Variants in ANKRD45 observed in about 807,000 individuals in gnomAD.
ANKRD45 encodes ankyrin repeat domain-containing protein 45.
Under a neutral mutation model 28.1 loss-of-function variants are expected in ANKRD45, and 21 were observed. The ratio of observed to expected loss-of-function variants is 0.75; its 90% CI spans 0.53 to 1.08. The LOEUF (loss-of-function observed/expected upper bound fraction) is 1.08, where lower values mean the gene tolerates loss of function less well. Ranked by LOEUF, ANKRD45 falls within the 50% of genes least tolerant of loss-of-function variation. The pLI is 0.00. For synonymous variants in ANKRD45, 86 were observed against 103.9 expected (o/e 0.83, Z 1.05); for missense variants, 261 against 308.7 (o/e 0.85, Z 1.16).
chr1:173,634,436 T>C (rs1316750273), intron 3 of ANKRD45, among the ~76,000 whole-genome samples: 1 of 151,976 alleles, frequency 6.6e-6, no homozygotes, highest in Non-Finnish European at 1.5e-5. Context: ...GAACAATGTT[T>C]AGCACACAGT....
At chr1:173,681,562 C>T in the ANKRD45 span, among the ~76,000 whole-genome samples, 1 of 152,276 alleles carries the variant, frequency 6.6e-6, no homozygotes, top group South Asian at 2.1e-4. Flanking sequence ...AGAAGTACAT[C>T]TTATAGATTC....
the ANKRD45 span, among the ~76,000 whole-genome samples, chr1:173,697,689 C>T: frequency 1.4e-3 from 212 of 152,294 alleles, no homozygotes; most frequent in African/African-American, 4.8e-3. Context: ...AAGGAACAAC[C>T]GGTATCAGCT....
At chr1:173,657,557 ACCCAATT>A (rs1244518006) in intron 2 of ANKRD45, 1 of 149,664 alleles carries the variant, frequency 6.7e-6, no homozygotes, top group East Asian at 2.0e-4. Context: ...TTTTCAGTGA[ACCCAATT>A]TTGGTATTAT....
intron 1 of ANKRD45, 56 bp from the exon 2 acceptor site, chr1:173,659,489 GTTTA>G (rs897214640): frequency 1.2e-5 from 17 of 1,416,836 alleles, no homozygotes; most frequent in African/African-American, 1.1e-4. Flanking sequence ...ATCAGTATTT[GTTTA>G]TTTATTTGCT....
intron 1 of ANKRD45, chr1:173,667,648 G>C: frequency 2.8e-6 from 1 of 354,710 alleles, no homozygotes; most frequent in Non-Finnish European, 5.4e-6. Context: ...AGAGGTTGCA[G>C]TGAGCTAAGA....
intron 5 of ANKRD45, among the ~76,000 whole-genome samples, chr1:173,620,828 G>A (rs1667669600): frequency 6.6e-6 from 1 of 151,008 alleles, no homozygotes; most frequent in African/African-American, 2.4e-5. Context: ...GAAGGAGACA[G>A]AGACACAAAA....
chr1:173,662,548 T>C (rs1415528343), intron 1 of ANKRD45, among the ~76,000 whole-genome samples: 1 of 152,112 alleles, frequency 6.6e-6, no homozygotes, highest in African/African-American at 2.4e-5. Flanking sequence ...AAAATATAGA[T>C]CCAACCTCTT....
At chr1:173,625,008 A>T (rs1667867535) in intron 4 of ANKRD45, 83 bp from the exon 5 acceptor site, 1 of 1,404,418 alleles carries the variant, frequency 7.1e-7, no homozygotes, top group South Asian at 1.4e-5. Context: ...AGCACGTCCA[A>T]CTGAACTTTC....
intron 2 of ANKRD45, among the ~76,000 whole-genome samples, chr1:173,651,499 T>C (rs1427358392): frequency 3.3e-5 from 5 of 152,216 alleles, no homozygotes; most frequent in Non-Finnish European, 5.9e-5. Context: ...ACTGTAGCCT[T>C]GTAGTATAGT....
At chr1:173,613,620 G>A (rs1351866381) in intron 5 of ANKRD45, among the ~76,000 whole-genome samples, 11 of 133,830 alleles carry the variant, frequency 8.2e-5, no homozygotes, top group Non-Finnish European at 1.5e-4. Context: ...GCCCACGCCC[G>A]GCCAGCTGCC....
intron 1 of ANKRD45, among the ~76,000 whole-genome samples, chr1:173,662,581 T>C (rs1046843520): frequency 4.6e-5 from 7 of 152,202 alleles, no homozygotes; most frequent in Non-Finnish European, 7.3e-5. Context: ...TCATACTTAG[T>C]GTGTAAGACT....
rs140940711 is a variant in ANKRD45, at chr1:173,664,874, C to A, written c.-16+4943G>T. 3.3e-5 allele frequency among the ~76,000 whole-genome samples: 5 copies of A among 152,170 alleles called. No individual in the cohort carries two copies. In the East Asian group the frequency reaches 5.8e-4, roughly 18 times the overall value. ...CAGTGCTTTTTTTCATAGCCAAGAGCAATGGGTTTTGGAGTCAGAGAGACT... is the reference window on the plus strand; with the variant it reads ...CAGTGCTTTTTTTCATAGCCAAGAGAAATGGGTTTTGGAGTCAGAGAGACT... On this transcript the variant is annotated intron_variant, in intron 1 of 5. Coordinates refer to ENST00000333279, the MANE Select transcript of ANKRD45 (RefSeq NM_198493.3).
chr1:173,664,492 A>G (rs1296086070), intron 1 of ANKRD45, among the ~76,000 whole-genome samples: 1 of 152,164 alleles, frequency 6.6e-6, no homozygotes, highest in African/African-American at 2.4e-5. Flanking sequence ...TATTCCTGCT[A>G]TAAGACCTAG....
the ANKRD45 span, among the ~76,000 whole-genome samples, chr1:173,699,848 G>C: frequency 6.6e-6 from 1 of 152,130 alleles, no homozygotes; most frequent in African/African-American, 2.4e-5. Flanking sequence ...AAGAAATAAA[G>C]GGTATTCAAT....
chr1:173,657,114 G>C (rs1269293554), intron 2 of ANKRD45, among the ~76,000 whole-genome samples: 1 of 150,566 alleles, frequency 6.6e-6, no homozygotes, highest in African/African-American at 2.4e-5. Flanking sequence ...TTTTTTCTGT[G>C]TTAATATTCT....
intron 2 of ANKRD45, chr1:173,657,441 C>A: frequency 5.8e-6 from 1 of 172,860 alleles, no homozygotes; most frequent in Non-Finnish European, 1.3e-5. Context: ...GCACTCCAGC[C>A]TGGGTGACAG....
intron 5 of ANKRD45, among the ~76,000 whole-genome samples, chr1:173,617,735 C>G (rs1009101693): frequency 2.0e-5 from 3 of 152,234 alleles, no homozygotes; most frequent in African/African-American, 4.8e-5. Context: ...TCTGGATGAG[C>G]AAGGGCTATC....
At chr1:173,660,237 A>G (rs182531549) in intron 1 of ANKRD45, among the ~76,000 whole-genome samples, 1 of 152,340 alleles carries the variant, frequency 6.6e-6, no homozygotes, top group African/African-American at 2.4e-5. Context: ...TCAGTCTGTC[A>G]GAACACAGTA....
At chr1:173,707,395 C>T in the ANKRD45 span, among the ~76,000 whole-genome samples, 3 of 151,528 alleles carry the variant, frequency 2.0e-5, no homozygotes, top group Non-Finnish European at 4.4e-5. Flanking sequence ...TGCAGTGGTG[C>T]GATCTCAGCT....
Sources: gnomAD v4.1 joint callset for allele counts (sites outside exome capture counted in the v4.1 genomes callset) on GRCh38, gnomAD v4.1.1 for gene constraint, MANE v1.5 for transcripts, NCBI Gene and HGNC (gene_info 2026-07-23, HGNC 2026-07-21) for gene names.